The following WNK2 variants were observed in gnomAD, a reference collection of about 807,000 sequenced individuals.
WNK2 encodes the protein WNK lysine deficient protein kinase 2.
A neutral mutation model predicts 192.1 loss-of-function variants in WNK2; 67 were observed. That is an observed-to-expected ratio of 0.35 (90% CI 0.29 to 0.43). WNK2 has a LOEUF of 0.43. Among genes scored for constraint, WNK2 ranks in the 20% least tolerant of loss-of-function variants. WNK2 has a pLI of 1.00. For synonymous variants in WNK2, 1,439 were observed against 1,393.9 expected, an observed-to-expected ratio of 1.03 and a Z score of -0.72; for missense variants, 2,698 against 3,089.7, an observed-to-expected ratio of 0.87 and a Z score of 3.01.
Position 93,259,413 on chromosome 9 carries a change from G to T in WNK2, c.2865G>T (p.Val955=). ...AACCCACACTGCCCCCACAACCCGT[G>T]CTGCCCCCGCAACCCACGCTGCCCC... The part of the protein sequence containing the change: ...PPQPTLPPQP[V]LPPQPTLPPQ... Residue 955 remains valine (V), a synonymous_variant, in exon 12 of 30, where the codon GTG becomes GTT. Transcript: ENST00000427277. This position sits in a 1 kb window ranked among gnomAD's most constrained non-coding sequence, Gnocchi z 4.8. 1 of 1,534,282 alleles carries T rather than the reference G, an allele frequency of 6.5e-7. No individual in the cohort carries two copies. The highest frequency in any genetic ancestry group is 8.8e-7 in the Non-Finnish European group (1 of 1,140,226).
Position 93,292,477 on chromosome 9 carries a change from G to T in WNK2, c.5026-14G>T. On this transcript the variant is annotated splice_polypyrimidine_tract_variant and intron_variant, in intron 22 of 29. Transcript: ENST00000427277. ...GTTCACATGAAACCTCTTCATCTCC[G>T]CTTGTTTCCCAAGGATGTACCTGCT... 6.2e-7 allele frequency: 1 copy of T among 1,607,408 alleles called. No homozygotes were observed. The highest frequency in any genetic ancestry group is 1.1e-5 in the South Asian group (1 of 90,498).
intron 29 of WNK2, chr9:93,318,009 A>G: frequency 6.2e-7 from 1 of 1,612,816 alleles, no homozygotes. Context: ...TTGCGGCTTC[A>G]GACCCTGTTC....
intron 19 of WNK2, among the ~76,000 whole-genome samples, chr9:93,270,071 G>A (rs906139162): frequency 5.9e-5 from 9 of 152,210 alleles, no homozygotes; most frequent in Non-Finnish European, 1.2e-4. Flanking sequence ...GAGAGGCCTT[G>A]TGGCTTCAGC....
chr9:93,244,688 C>T (rs1841378467), intron 7 of WNK2, among the ~76,000 whole-genome samples: 1 of 152,214 alleles, frequency 6.6e-6, no homozygotes, highest in African/African-American at 2.4e-5. Flanking sequence ...TAGGAATGGC[C>T]TCACCCACAT....
intron 10 of WNK2, chr9:93,256,690 A>G (rs1843354238): frequency 1.5e-6 from 1 of 665,974 alleles, no homozygotes; most frequent in South Asian, 2.0e-5. Context: ...TGCCCTGCAC[A>G]TGGAAGGCTC....
chr9:93,272,459 C>T lies in WNK2; in HGVS notation c.4033+3713C>T, dbSNP rs573167738. Among the ~76,000 whole-genome samples the T allele has an allele frequency of 1.4e-4, 21 of 152,204 alleles. No homozygotes were observed. The South Asian group carries it at 3.9e-3, about 29-fold the overall frequency. ...AGATGAACTAAAAAAATTCAAAGGCCGAGCATGGTGGCTCATGACTGTAAT... is the reference window on the plus strand; with the variant it reads ...AGATGAACTAAAAAAATTCAAAGGCTGAGCATGGTGGCTCATGACTGTAAT... On this transcript the variant is annotated intron_variant, in intron 19 of 29. Transcript: ENST00000427277.
intron 21 of WNK2, 35 bp downstream of exon 21, chr9:93,290,082 G>C: frequency 1.3e-6 from 2 of 1,545,042 alleles, no homozygotes; most frequent in African/African-American, 2.7e-5. Flanking sequence ...CGTTCACAAG[G>C]TGCTGCCTGG....
intron 2 of WNK2, among the ~76,000 whole-genome samples, chr9:93,221,018 C>T (rs1447958792): frequency 2.6e-5 from 4 of 152,168 alleles, no homozygotes; most frequent in Non-Finnish European, 5.9e-5. Context: ...CATGGTGGCC[C>T]TGTCTTTGCC....
intron 8 of WNK2, among the ~76,000 whole-genome samples, chr9:93,250,156 C>T (rs1842364545): frequency 6.6e-6 from 1 of 152,062 alleles, no homozygotes; most frequent in African/African-American, 2.4e-5. Flanking sequence ...ATAGAACACC[C>T]ATAGGCACAC....
intron 27 of WNK2, chr9:93,308,023 G>T: frequency 2.3e-6 from 1 of 428,372 alleles, no homozygotes. Context: ...CGTGAGTCTG[G>T]GGATGGGCAG....
At chr9:93,258,096 T>C (rs781608798) in intron 11 of WNK2, among the ~76,000 whole-genome samples, 2 of 152,158 alleles carry the variant, frequency 1.3e-5, no homozygotes, top group Non-Finnish European at 2.9e-5. Context: ...AGCTTCAGGG[T>C]CTAGTGAAAT....
At chr9:93,237,145 G>C (rs1839952113) in intron 5 of WNK2, among the ~76,000 whole-genome samples, 1 of 152,214 alleles carries the variant, frequency 6.6e-6, no homozygotes, top group Non-Finnish European at 1.5e-5. Context: ...GGGAATTGCA[G>C]CGGTTTCACA....
At position 93,185,177 on chromosome 9, in the gene WNK2, G is replaced by T. The variant is rs960020455; in HGVS notation, c.248G>T (p.Arg83Leu). 29 of 1,207,830 alleles carry T rather than the reference G, an allele frequency of 2.4e-5. No homozygotes were observed. Among genetic ancestry groups the T allele is most frequent in the Admixed American group, 4.2e-5 (1 of 23,984 alleles). 74.8% of individuals were successfully genotyped at this position (1,207,830 alleles called of 1,614,324 possible). The change falls in exon 2 of 30, where the codon CGC becomes CTC. Residue 83 changes from arginine (R) to leucine (L), a missense_variant. Around this residue, in one of 7 missense-constraint regions of WNK2, gnomAD observed 260 missense variants for 285.6 expected, o/e 0.91. Transcript: ENST00000427277. Reference protein sequence around the residue: ...RRVLLLCKTRRLIAERARGRP... With the variant: ...RRVLLLCKTRLLIAERARGRP... ...GTGCTTCTGCTCTGCAAGACGCGCC[G>T]CCTCATCGCGGAGCGCGCCCGCGGA...
At chr9:93,203,565 G>A (rs924630364) in intron 2 of WNK2, among the ~76,000 whole-genome samples, 16 of 152,220 alleles carry the variant, frequency 1.1e-4, no homozygotes, top group Non-Finnish European at 2.4e-4. Flanking sequence ...GTCCCCTGCA[G>A]TCTGTGGACG....
chr9:93,193,547 G>A (rs1458841331), intron 2 of WNK2, among the ~76,000 whole-genome samples: 1 of 152,250 alleles, frequency 6.6e-6, no homozygotes, highest in Non-Finnish European at 1.5e-5. Flanking sequence ...TTGCCTTAGT[G>A]CTTGAGCTGC....
At chr9:93,201,552 C>T (rs1221052894) in intron 2 of WNK2, among the ~76,000 whole-genome samples, 1 of 152,230 alleles carries the variant, frequency 6.6e-6, no homozygotes, top group Non-Finnish European at 1.5e-5. Flanking sequence ...GCCCTGGGCA[C>T]TGTGTGCAGA....
In WNK2 at chr9:93,259,208, T is replaced by C. The variant is rs1843783788; in HGVS notation, c.2660T>C (p.Leu887Pro). 6.2e-7 allele frequency: 1 copy of C among 1,613,014 alleles called. No individual in the cohort carries two copies. Among genetic ancestry groups the C allele is most frequent in the East Asian group, 2.2e-5 (1 of 44,834 alleles). The change falls in exon 12 of 30, where the codon CTG becomes CCG. Residue 887 changes from leucine (L) to proline (P), a missense_variant. Around this residue, in one of 7 missense-constraint regions of WNK2, gnomAD observed 893 missense variants for 909.0 expected, o/e 0.98. Transcript: ENST00000427277. The surrounding 1 kb of genome is among the most constrained non-coding windows in gnomAD (Gnocchi z 4.8). ...AATGCACCGGCCACTATCCCCCTGC[T>C]GGCCGTAGCCCCACCGGGCGTGGCT... ...VPNAPATIPL[L>P]AVAPPGVAAL...
chr9:93,297,374 A>G (rs1850778081), intron 23 of WNK2, among the ~76,000 whole-genome samples: 1 of 152,170 alleles, frequency 6.6e-6, no homozygotes, highest in Non-Finnish European at 1.5e-5. Flanking sequence ...CCTGGAAGTC[A>G]GTGAGCGTCT....
rs183787472 is a variant in WNK2 at position 93,208,165 on chromosome 9, C to T, written c.682-21531C>T. ...GCGGAGCCTGGAGCAGGGGACGTCC[C>T]CAGGTCCAAATTACTGGCTTTGGAG... is the stretch of plus-strand genomic sequence containing the variant. On this transcript the variant is annotated intron_variant, in intron 2 of 29. Transcript: ENST00000427277. 1.5e-4 allele frequency among the ~76,000 whole-genome samples: 23 copies of T among 152,320 alleles called. No homozygotes were observed. The East Asian group carries it at 4.0e-3, about 27-fold the overall frequency.
Sources: allele counts gnomAD v4.1 joint callset (sites outside exome capture counted in the v4.1 genomes callset), GRCh38; gene constraint gnomAD v4.1.1; regional missense constraint gnomAD v4.1.1; non-coding constraint Gnocchi (gnomAD v3.1); transcripts MANE v1.5; gene names NCBI Gene and HGNC (gene_info 2026-07-23, HGNC 2026-07-21).